Variants in KLHL6 observed in about 807,000 individuals in gnomAD.
KLHL6 encodes the protein kelch like family member 6, also known as kelch-like protein 6.
A neutral mutation model predicts 58.6 loss-of-function variants in KLHL6; 41 were observed. The observed-to-expected ratio is 0.70, with a 90% confidence interval of 0.55 to 0.91. The LOEUF is 0.91. Among genes scored for constraint, KLHL6 ranks in the 40% least tolerant of loss-of-function variants. The pLI, the probability that KLHL6 is intolerant of heterozygous loss-of-function variation, is 0.00. For missense variants in KLHL6, 714 were observed against 805.6 expected, an observed-to-expected ratio of 0.89 and a Z score of 1.38; for synonymous variants, 338 against 322.7, an observed-to-expected ratio of 1.05 and a Z score of -0.51.
At chr3:183,538,694 G>C (rs992331010) in intron 1 of KLHL6, among the ~76,000 whole-genome samples, 11 of 152,226 alleles carry the variant, frequency 7.2e-5, no homozygotes, top group Admixed American at 6.5e-4. Flanking sequence ...GTCAGCAGAT[G>C]CAAGTGTGAC....
chr3:183,500,682 G>C (rs1476927861), intron 3 of KLHL6, among the ~76,000 whole-genome samples: 1 of 152,158 alleles, frequency 6.6e-6, no homozygotes, highest in Non-Finnish European at 1.5e-5. Context: ...ATGCCATGTT[G>C]ATACTGCTAT....
At chr3:183,513,134 C>T (rs1487431881) in intron 2 of KLHL6, among the ~76,000 whole-genome samples, 1 of 152,074 alleles carries the variant, frequency 6.6e-6, no homozygotes, top group African/African-American at 2.4e-5. Context: ...GTAAAATAAA[C>T]ACATTATTGT....
At position 183,491,180 on chromosome 3, in the gene KLHL6, G is replaced by T. The variant is rs1717541639; in HGVS notation, c.*747C>A. On this transcript the variant is annotated 3_prime_UTR_variant, in exon 7 of 7. Transcript: ENST00000341319. ...GCTGCAGTGCAGTGTGGCGATCTCG[G>T]CTCACTGCAACCTCCACCTCCCAAG... 6.6e-6 allele frequency: 1 copy of T among 152,024 alleles called. No individual in the cohort carries two copies. Among genetic ancestry groups the T allele is most frequent in the Non-Finnish European group, 1.5e-5 (1 of 68,024 alleles). The allele number at this position is 152,024 out of a possible 1,614,324, so 9.4% of individuals were successfully genotyped here. A position where few individuals can be genotyped will look rare whatever the true frequency, so the allele number is the denominator to read the frequency against.
Position 183,555,499 on chromosome 3 carries a change from G to T in KLHL6, c.155C>A (p.Ala52Glu). The change falls in exon 1 of 7, where the codon GCG (alanine) becomes GAG (glutamate). Residue 52 changes from alanine to glutamate, a missense_variant. Physicochemically the swap from Ala to Glu is moderately radical, Grantham distance 107. Around this residue, in one of 2 missense-constraint regions of KLHL6, gnomAD observed 204 missense variants for 175.9 expected, o/e 1.16. Coordinates refer to ENST00000341319, the MANE Select transcript of KLHL6 (RefSeq NM_130446.4). ...LNGEKVKFDD[A>E]GLSLILQNGL... ...ATTCTGAAGAATTAAGGAGAGTCCC[G>T]CGTCGTCAAATTTGACCTTTTCCCC... 1 of 1,614,110 alleles carries T rather than the reference G, an allele frequency of 6.2e-7. No individual in the cohort carries two copies. The highest frequency in any genetic ancestry group is 8.5e-7 in the Non-Finnish European group (1 of 1,180,024).
intron 3 of KLHL6, among the ~76,000 whole-genome samples, chr3:183,502,777 C>G (rs1445886191): frequency 6.6e-6 from 1 of 152,204 alleles, no homozygotes. Context: ...CAGAAGCACC[C>G]AGCTAAACCA....
chr3:183,549,810 C>T (rs920494191), intron 1 of KLHL6, among the ~76,000 whole-genome samples: 1 of 152,082 alleles, frequency 6.6e-6, no homozygotes, highest in Non-Finnish European at 1.5e-5. Flanking sequence ...TGTGGTGGCT[C>T]ATGCTTGTAA....
At chr3:183,518,705 T>C (rs1041071933) in intron 2 of KLHL6, among the ~76,000 whole-genome samples, 3 of 152,156 alleles carry the variant, frequency 2.0e-5, no homozygotes, top group African/African-American at 7.2e-5. Context: ...GAAGTGGTTT[T>C]GAAAGAAATA....
At chr3:183,500,998 T>G (rs1717851948) in intron 3 of KLHL6, among the ~76,000 whole-genome samples, 1 of 152,110 alleles carries the variant, frequency 6.6e-6, no homozygotes, top group Non-Finnish European at 1.5e-5. Context: ...CTTTGTTTGT[T>G]CGGTTGGTTT....
rs202126762 is a variant in KLHL6, at chr3:183,508,181, A to C, written c.787T>G (p.Leu263Val). The change falls in exon 3 of 7, where the codon TTA becomes GTA. Residue 263 changes from leucine to valine, a missense_variant. Coordinates refer to ENST00000341319, the MANE Select transcript of KLHL6 (RefSeq NM_130446.4). Reference sequence around the variant, plus strand: ...AAGTACCACGGGTCCAGAAGCGGTAAGCGCACGTTCTCGAGGACATAGGGG... The same window carrying C: ...AAGTACCACGGGTCCAGAAGCGGTACGCGCACGTTCTCGAGGACATAGGGG... Reference protein sequence around the residue: ...LLPYVLENVRLPLLDPWYFVE... With the variant: ...LLPYVLENVRVPLLDPWYFVE... 6.2e-7 allele frequency: 1 copy of C among 1,614,166 alleles called. No individual in the cohort carries two copies. The highest frequency in any genetic ancestry group is 1.3e-5 in the African/African-American group (1 of 75,040).
At chr3:183,549,126 G>A (rs4630964) in intron 1 of KLHL6, among the ~76,000 whole-genome samples, 5 of 148,650 alleles carry the variant, frequency 3.4e-5, no homozygotes, top group South Asian at 2.1e-4. Flanking sequence ...ACAAACCCGC[G>A]CATTCTGCAC....
At chr3:183,551,791 G>A (rs6803262) in intron 1 of KLHL6, among the ~76,000 whole-genome samples, 2,860 of 152,242 alleles carry the variant, frequency 0.019, 103 homozygotes, top group African/African-American at 0.066. Context: ...AGACAGGGTG[G>A]AGGAGGAAAT....
At position 183,555,435 on chromosome 3, in the gene KLHL6, A is replaced by G; in HGVS notation, c.219T>C (p.Asp73=). 3.1e-6 allele frequency: 5 copies of G among 1,614,148 alleles called. No homozygotes were observed. Among genetic ancestry groups the G allele is most frequent in the African/African-American group, 1.3e-5 (1 of 75,036 alleles). The part of the protein sequence containing the change: ...ETLRMENALT[D]VILCVDIQEF... ...CCTGAATGTCCACACACAAGATGACATCTGTCAGAGCGTTTTCCATTCGCA... is the reference window on the plus strand; with the variant it reads ...CCTGAATGTCCACACACAAGATGACGTCTGTCAGAGCGTTTTCCATTCGCA... The change falls in exon 1 of 7, where the codon GAT becomes GAC. Residue 73 remains aspartate (D), a synonymous_variant. Transcript: ENST00000341319.
chr3:183,543,558 A>C (rs1712622477), intron 1 of KLHL6, among the ~76,000 whole-genome samples: 1 of 152,050 alleles, frequency 6.6e-6, no homozygotes. Context: ...CTTCTGTCCT[A>C]TTTTTTTGTG....
intron 3 of KLHL6, among the ~76,000 whole-genome samples, chr3:183,502,777 C>T (rs1445886191): frequency 1.3e-5 from 2 of 152,204 alleles, no homozygotes; most frequent in Admixed American, 1.3e-4. Context: ...CAGAAGCACC[C>T]AGCTAAACCA....
chr3:183,545,796 C>T (rs1295779138), intron 1 of KLHL6, among the ~76,000 whole-genome samples: 1 of 152,202 alleles, frequency 6.6e-6, no homozygotes, highest in East Asian at 1.9e-4. Context: ...TATTCTGAGG[C>T]ATTTTGGATT....
chr3:183,554,438 CAG>C (rs1163335808), intron 1 of KLHL6, among the ~76,000 whole-genome samples: 7 of 152,310 alleles, frequency 4.6e-5, no homozygotes, highest in Middle Eastern at 3.4e-3. Flanking sequence ...GATGATGAAA[CAG>C]ACATTCAGAG....
chr3:183,526,200 A>G (rs1296564808), intron 2 of KLHL6, among the ~76,000 whole-genome samples: 1 of 152,060 alleles, frequency 6.6e-6, no homozygotes, highest in Non-Finnish European at 1.5e-5. Flanking sequence ...AATCCCAGCT[A>G]CTCGGGAGGC....
intron 3 of KLHL6, among the ~76,000 whole-genome samples, chr3:183,503,244 G>A (rs1052747912): frequency 6.6e-6 from 1 of 152,234 alleles, no homozygotes; most frequent in Non-Finnish European, 1.5e-5. Flanking sequence ...TCCTTGGGCT[G>A]GAGCCTCTGC....
intron 1 of KLHL6, among the ~76,000 whole-genome samples, chr3:183,554,190 T>C (rs895993247): frequency 6.6e-6 from 1 of 152,204 alleles, no homozygotes; most frequent in Non-Finnish European, 1.5e-5. Flanking sequence ...TGGAGAACAC[T>C]GGATCAGGTG....
Sources: gnomAD v4.1 joint callset for allele counts (sites outside exome capture counted in the v4.1 genomes callset) on GRCh38, gnomAD v4.1.1 for gene constraint, gnomAD v4.1.1 regional missense constraint, MANE v1.5 for transcripts, NCBI Gene and HGNC (gene_info 2026-07-23, HGNC 2026-07-21) for gene names.